OR52I2: variants seen among roughly 807,000 people sequenced by gnomAD.
OR52I2 encodes olfactory receptor 52I2.
For missense variants in OR52I2, 350 were observed against 402.4 expected (o/e 0.87, Z 1.11); for synonymous variants, 147 against 151.9 (o/e 0.97, Z 0.24).
intron 1 of OR52I2, among the ~76,000 whole-genome samples, chr11:4,586,034 T>G (rs181309169): frequency 6.7e-4 from 102 of 152,322 alleles, no homozygotes; most frequent in African/African-American, 2.3e-3. Flanking sequence ...TCATAAAAGC[T>G]TACTGGGTAA....
At chr11:4,591,645 T>G (rs917622527) in exon 2 of OR52I2, 5 of 152,182 alleles carry the variant, frequency 3.3e-5, no homozygotes, top group African/African-American at 9.7e-5. Flanking sequence ...GAAAGAAAAT[T>G]ATCTGAGAAC....
chr11:4,584,355 G>A (rs997961863), intron 1 of OR52I2, among the ~76,000 whole-genome samples: 8 of 152,198 alleles, frequency 5.3e-5, no homozygotes, highest in South Asian at 2.1e-4. Context: ...AAGAGATCAC[G>A]TGTCCTTAAC....
chr11:4,582,205 T>C (rs1846262641), intron 1 of OR52I2, among the ~76,000 whole-genome samples: 1 of 152,078 alleles, frequency 6.6e-6, no homozygotes, highest in Non-Finnish European at 1.5e-5. Flanking sequence ...GGAGTATGCT[T>C]GGTTGGACAG....
At position 4,586,771 on chromosome 11, in the gene OR52I2, T is replaced by C. The variant is rs762289287; in HGVS notation, c.-19-101T>C. On this transcript the variant is annotated intron_variant, in intron 1 of 1. Transcript: ENST00000641896. ...GATGCCACATTTTTGATCCTGAGAT[T>C]ACCACCAAGCTGAGAATATCCTTAG... The C allele has an allele frequency of 7.7e-6, 12 of 1,554,350 alleles. No homozygotes were observed. In the South Asian group the frequency reaches 1.4e-4, roughly 18 times the overall value.
At chr11:4,582,761 T>C (rs1336511534) in intron 1 of OR52I2, among the ~76,000 whole-genome samples, 8 of 151,990 alleles carry the variant, frequency 5.3e-5, no homozygotes, top group African/African-American at 1.7e-4. Flanking sequence ...TTTTCGGTGA[T>C]TGGCCCTCCA....
exon 2 of OR52I2, chr11:4,587,631 C>G: frequency 6.2e-7 from 1 of 1,614,106 alleles, no homozygotes. Flanking sequence ...CATGTGGCTC[C>G]CATGTGGGGG....
At chr11:4,589,131 GC>G (rs1262961131) in exon 2 of OR52I2, 10 of 152,210 alleles carry the variant, frequency 6.6e-5, no homozygotes, top group Non-Finnish European at 1.2e-4. Flanking sequence ...ATCCCCAGGG[GC>G]CAGAGCACAA....
intron 1 of OR52I2, among the ~76,000 whole-genome samples, chr11:4,584,843 CTTT>C (rs1182228618): frequency 6.6e-6 from 1 of 152,080 alleles, no homozygotes; most frequent in East Asian, 1.9e-4. Flanking sequence ...GGTTGAGTGG[CTTT>C]TTACTTTTTA....
At chr11:4,583,901 C>A (rs538888025) in intron 1 of OR52I2, among the ~76,000 whole-genome samples, 10 of 152,232 alleles carry the variant, frequency 6.6e-5, no homozygotes, top group African/African-American at 2.2e-4. Flanking sequence ...ATTGAAGGGG[C>A]AAATATATGT....
In OR52I2 at chr11:4,586,925, C is replaced by A. The variant is rs773834429; in HGVS notation, c.35C>A (p.Thr12Asn). 12 of 1,614,024 alleles carry A rather than the reference C, an allele frequency of 7.4e-6. 1 individual carries two copies. Among genetic ancestry groups the A allele is most frequent in the Non-Finnish European group, 9.3e-6 (11 of 1,180,006 alleles). ...CCAGCTTATAACCACACAATGGAAA[C>A]CCCTGCCTCCTTCCTCCTTGTGGGT... Residue 12 changes from threonine to asparagine, a missense_variant, in exon 2 of 2, where the codon ACC becomes AAC. By Grantham distance (65) the Thr-to-Asn change is moderately conservative. Coordinates refer to ENST00000641896, the Ensembl canonical transcript of OR52I2.
exon 2 of OR52I2, chr11:4,591,462 T>G (rs1382443928): frequency 6.6e-6 from 1 of 152,204 alleles, no homozygotes; most frequent in African/African-American, 2.4e-5. Flanking sequence ...ACTACTGTTA[T>G]GTCAAAACAA....
At chr11:4,590,382 GATTGAA>G (rs1846341889) in exon 2 of OR52I2, 1 of 152,208 alleles carries the variant, frequency 6.6e-6, no homozygotes, top group Non-Finnish European at 1.5e-5. Context: ...TCAATAGGCT[GATTGAA>G]ATAAATATTT....
At chr11:4,585,383 A>G (rs1170426514) in intron 1 of OR52I2, among the ~76,000 whole-genome samples, 2 of 152,190 alleles carry the variant, frequency 1.3e-5, no homozygotes, top group Non-Finnish European at 2.9e-5. Context: ...GTATTCTCAC[A>G]TGGCTGGGAA....
At chr11:4,590,684 CA>C (rs1393973707) in exon 2 of OR52I2, 1 of 152,154 alleles carries the variant, frequency 6.6e-6, no homozygotes, top group East Asian at 1.9e-4. Context: ...AAGCTTTATG[CA>C]GCCCTTTATG....
chr11:4,587,525 G>A (rs760290346), exon 2 of OR52I2: 11 of 1,614,002 alleles, frequency 6.8e-6, no homozygotes, highest in Middle Eastern at 1.6e-4. Flanking sequence ...CTTATGGTGG[G>A]CTCTGATGTG....
chr11:4,588,155 A>G (rs1257616102), exon 2 of OR52I2: 1 of 372,476 alleles, frequency 2.7e-6, no homozygotes, highest in Non-Finnish European at 4.9e-6. Context: ...AGGCTGAGGA[A>G]GGCACAAAGC....
intron 1 of OR52I2, among the ~76,000 whole-genome samples, chr11:4,582,433 CATT>C (rs1227970590): frequency 2.0e-4 from 15 of 74,664 alleles, no homozygotes; most frequent in African/African-American, 5.4e-4. Flanking sequence ...ATTTATTTTT[CATT>C]TTTTTTTTTT....
At chr11:4,582,294 A>G (rs1478744377) in intron 1 of OR52I2, among the ~76,000 whole-genome samples, 5 of 152,160 alleles carry the variant, frequency 3.3e-5, no homozygotes, top group Admixed American at 3.3e-4. Context: ...TAGTTCTTTT[A>G]CCTTTAAGAC....
chr11:4,587,841 T>G, exon 2 of OR52I2: 2 of 1,613,978 alleles, frequency 1.2e-6, no homozygotes, highest in South Asian at 1.1e-5. Flanking sequence ...ATGTCCTCTT[T>G]GACCATTCCA....
Sources: allele counts gnomAD v4.1 joint callset (sites outside exome capture counted in the v4.1 genomes callset), GRCh38; gene constraint gnomAD v4.1.1; transcripts MANE v1.5; gene names NCBI Gene and HGNC (gene_info 2026-07-23, HGNC 2026-07-21).